GLYR1: variants seen among roughly 807,000 people sequenced by gnomAD.
GLYR1 encodes the protein glyoxylate reductase 1 homolog.
Under a neutral mutation model 72.7 loss-of-function variants are expected in GLYR1, and 21 were observed. That is an observed-to-expected ratio of 0.29 (90% CI 0.20 to 0.42). GLYR1 has a LOEUF of 0.42. Ranked by LOEUF, GLYR1 falls within the 10% of genes least tolerant of loss-of-function variation. GLYR1 has a pLI of 1.00. For synonymous variants in GLYR1, 392 were observed against 270.2 expected (o/e 1.45, Z -4.42); for missense variants, 594 against 712.1 (o/e 0.83, Z 1.89).
At chr16:4,811,962 A>G (rs368485326) in intron 13 of GLYR1, 124 bp downstream of exon 13, 6 of 1,430,714 alleles carry the variant, frequency 4.2e-6, no homozygotes, top group Non-Finnish European at 4.7e-6. Context: ...CTGACTATGC[A>G]GGTGAAAGGA....
intron 10 of GLYR1, among the ~76,000 whole-genome samples, chr16:4,816,267 C>A (rs889856658): frequency 6.6e-5 from 10 of 152,104 alleles, no homozygotes; most frequent in Non-Finnish European, 1.3e-4. Flanking sequence ...CCTCAGCCTC[C>A]CAAGTAGCTG....
chr16:4,812,016 C>T (rs918015749), intron 13 of GLYR1, 70 bp downstream of exon 13: 43 of 1,538,968 alleles, frequency 2.8e-5, no homozygotes, highest in Admixed American at 1.4e-4. Context: ...GTGGGACTGA[C>T]GCTGTCATCA....
chr16:4,821,912 T>C (rs933988160), intron 7 of GLYR1, among the ~76,000 whole-genome samples: 2 of 152,236 alleles, frequency 1.3e-5, no homozygotes, highest in African/African-American at 4.8e-5. Flanking sequence ...CCCATAACCT[T>C]GCAGACCTTG....
chr16:4,837,843 A>G (rs2085252956), intron 3 of GLYR1, among the ~76,000 whole-genome samples: 1 of 152,054 alleles, frequency 6.6e-6, no homozygotes, highest in Admixed American at 6.6e-5. Context: ...AGGCAGGATA[A>G]TCGCTTGAAC....
At chr16:4,820,029 G>C (rs926844904) in intron 9 of GLYR1, among the ~76,000 whole-genome samples, 9 of 151,974 alleles carry the variant, frequency 5.9e-5, no homozygotes, top group African/African-American at 2.2e-4. Flanking sequence ...ACACAGTCTC[G>C]TTCTGTTGCC....
rs572320143 is a variant in GLYR1 at position 4,814,391 on chromosome 16, C to A, written c.1017+146G>T. ...GTCTGTATTCAATTAATGCAAACAC[C>A]CTTCACAATGGGAGATGGCCCCTGA... On this transcript the variant is annotated intron_variant, in intron 11 of 15. Coordinates refer to ENST00000321919, the MANE Select transcript of GLYR1 (RefSeq NM_032569.4). 1.3e-5 allele frequency: 9 copies of A among 667,150 alleles called. 1 individual carries two copies. The South Asian group carries it at 1.4e-4, about 10-fold the overall frequency. The allele number at this position is 667,150 out of a possible 1,614,324, so 41.3% of individuals were successfully genotyped here.
intron 9 of GLYR1, among the ~76,000 whole-genome samples, chr16:4,820,484 C>A (rs1053506182): frequency 1.3e-5 from 2 of 152,170 alleles, no homozygotes; most frequent in African/African-American, 4.8e-5. Context: ...TCTGTCCTCA[C>A]CCTATCCTGA....
intron 5 of GLYR1, among the ~76,000 whole-genome samples, chr16:4,831,096 G>A (rs1338609280): frequency 6.6e-6 from 1 of 152,088 alleles, no homozygotes; most frequent in African/African-American, 2.4e-5. Context: ...AGAAAGTGAT[G>A]ACCACTTTCC....
chr16:4,838,751 T>C (rs2085332423), intron 3 of GLYR1, among the ~76,000 whole-genome samples: 1 of 152,154 alleles, frequency 6.6e-6, no homozygotes, highest in African/African-American at 2.4e-5. Context: ...CACGCCCAGC[T>C]AATTTTTTTG....
chr16:4,813,838 G>T lies in GLYR1; in HGVS notation c.1018C>A (p.Leu340Met). The change falls in exon 12 of 16, where the codon CTG becomes ATG. Residue 340 changes from leucine to methionine, a missense_variant and splice_region_variant. Physicochemically the swap from Leu to Met is conservative, Grantham distance 15. Around this residue, in one of 5 missense-constraint regions of GLYR1, gnomAD observed 266 missense variants for 358.4 expected, o/e 0.74. Coordinates refer to ENST00000321919, the MANE Select transcript of GLYR1 (RefSeq NM_032569.4). ...CVSDPKAAKD[L>M]VLGPSGVLQG... ...AGCACACCACTGGGGCCCAGCACCA[G>T]CTGTGGGGACACAAGGGAGAAGCAA... 1 of 1,608,112 alleles carries T rather than the reference G, an allele frequency of 6.2e-7. No individual in the cohort carries two copies. Among genetic ancestry groups the T allele is most frequent in the Non-Finnish European group, 8.5e-7 (1 of 1,176,362 alleles).
rs368448833 is a variant in GLYR1 at position 4,827,440 on chromosome 16, C to T, written c.538-3533G>A. 6.6e-5 allele frequency among the ~76,000 whole-genome samples: 10 copies of T among 152,326 alleles called. No homozygotes were observed. The East Asian group carries it at 1.3e-3, about 21-fold the overall frequency. On this transcript the variant is annotated intron_variant, in intron 5 of 15. Transcript: ENST00000321919. ...CCAGCTCTGTCCTCTCCTGCTCATACGTCCTTTCACTATGGGCCAGGTGAA... is the reference window on the plus strand; with the variant it reads ...CCAGCTCTGTCCTCTCCTGCTCATATGTCCTTTCACTATGGGCCAGGTGAA...
chr16:4,828,415 T>G (rs143010891), intron 5 of GLYR1, among the ~76,000 whole-genome samples: 3 of 152,094 alleles, frequency 2.0e-5, no homozygotes, highest in African/African-American at 7.2e-5. Context: ...TACCACTTAA[T>G]AGACTACAGT....
chr16:4,812,232 C>A lies in GLYR1; in HGVS notation c.1136G>T (p.Gly379Val), dbSNP rs769907369. 6 of 1,613,122 alleles carry A rather than the reference C, an allele frequency of 3.7e-6. No individual in the cohort carries two copies. Among genetic ancestry groups the A allele is most frequent in the Non-Finnish European group, 4.2e-6 (5 of 1,179,820 alleles). The change falls in exon 13 of 16, where the codon GGG (glycine) becomes GTG (valine). Residue 379 changes from glycine to valine, a missense_variant. By Grantham distance (109) the Gly-to-Val change is moderately radical (BLOSUM62 -3). Coordinates refer to ENST00000321919, the MANE Select transcript of GLYR1 (RefSeq NM_032569.4). ...TELAQVIVSR[G>V]GRFLEAPVSG... ...GACGGGGGCTTCCAGAAAGCGCCCC[C>A]CCCTGGACACAATCACCTGGAAAGA...
chr16:4,837,728 T>C lies in GLYR1; in HGVS notation c.156-4816A>G, dbSNP rs149235617. Reference sequence around the variant, plus strand: ...ACTTTGGGAGGCCGAGGTCAAGAGATTGAGACCACCCTGGCCAACACGGTG... The same window carrying C: ...ACTTTGGGAGGCCGAGGTCAAGAGACTGAGACCACCCTGGCCAACACGGTG... On this transcript the variant is annotated intron_variant, in intron 3 of 15. Coordinates refer to ENST00000321919, the MANE Select transcript of GLYR1 (RefSeq NM_032569.4). 3.7e-3 allele frequency among the ~76,000 whole-genome samples: 563 copies of C among 152,052 alleles called. 3 individuals are homozygous for C. The highest frequency in any genetic ancestry group is 0.013 in the African/African-American group (532 of 41,486).
chr16:4,845,059 G>A lies in GLYR1; in HGVS notation c.155+15C>T, dbSNP rs766390078. 1.3e-6 allele frequency: 2 copies of A among 1,579,944 alleles called. No individual in the cohort carries two copies. The highest frequency in any genetic ancestry group is 3.3e-5 in the Admixed American group (2 of 59,950). ...AAAGAAAGGCGAAGGGAGACTCCTG[G>A]TGAGTACTACTCACTGATCTTCTGT... On this transcript the variant is annotated intron_variant, in intron 3 of 15. Transcript: ENST00000321919.
At position 4,832,110 on chromosome 16, in the gene GLYR1, C is replaced by G. The variant is rs953397386; in HGVS notation, c.406G>C (p.Val136Leu). ...TTTCCTTCTCCCATGTTCTTCTTCA[C>G]CTTCCCTTCAGACAGGCTAAGTTTG... Reference protein sequence around the residue: ...KRKLSLSEGKVKKNMGEGKKR... With the variant: ...KRKLSLSEGKLKKNMGEGKKR... Residue 136 changes from valine to leucine, a missense_variant, in exon 5 of 16, where the codon GTG becomes CTG. Val to Leu is a conservative substitution (Grantham distance 32). Around this residue, in one of 5 missense-constraint regions of GLYR1, gnomAD observed 252 missense variants for 211.3 expected, o/e 1.19. Coordinates refer to ENST00000321919, the MANE Select transcript of GLYR1 (RefSeq NM_032569.4). The G allele has an allele frequency of 6.2e-7, 1 of 1,614,186 alleles. No individual in the cohort carries two copies. The highest frequency in any genetic ancestry group is 1.3e-5 in the African/African-American group (1 of 75,044).
chr16:4,806,183 T>G (rs2082955458), intron 15 of GLYR1, among the ~76,000 whole-genome samples: 1 of 152,114 alleles, frequency 6.6e-6, no homozygotes, highest in South Asian at 2.1e-4. Flanking sequence ...TGGCGTCTGG[T>G]GGGTGGGCTA....
chr16:4,816,710 GCA>G (rs1394353547), intron 10 of GLYR1, among the ~76,000 whole-genome samples: 1 of 151,998 alleles, frequency 6.6e-6, no homozygotes, highest in Admixed American at 6.5e-5. Context: ...TGTGGGCCAG[GCA>G]CAGTGGCTCA....
At chr16:4,809,058 G>C (rs547445957) in intron 15 of GLYR1, among the ~76,000 whole-genome samples, 53 of 152,042 alleles carry the variant, frequency 3.5e-4, no homozygotes, top group African/African-American at 1.2e-3. Flanking sequence ...TGTCAAAATG[G>C]ATAAAAATCC....
Sources: allele counts gnomAD v4.1 joint callset (sites outside exome capture counted in the v4.1 genomes callset), GRCh38; gene constraint gnomAD v4.1.1; regional missense constraint gnomAD v4.1.1; transcripts MANE v1.5; gene names NCBI Gene and HGNC (gene_info 2026-07-23, HGNC 2026-07-21).